NKAIN3: variants seen among roughly 807,000 people sequenced by gnomAD.
NKAIN3 encodes sodium/potassium transporting ATPase interacting 3, also known as sodium/potassium-transporting ATPase subunit beta-1-interacting protein 3.
In NKAIN3, 25 loss-of-function variants were observed where a neutral mutation model predicts 30.2. The observed-to-expected ratio is 0.83, with a 90% CI of 0.60 to 1.16. NKAIN3 has a LOEUF of 1.16. NKAIN3 is among the 50% of genes most tolerant of loss of function. NKAIN3 has a pLI of 0.00. For synonymous variants in NKAIN3, 91 were observed against 89.6 expected, an observed-to-expected ratio of 1.02 and a Z score of -0.09; for missense variants, 225 against 254.1, an observed-to-expected ratio of 0.89 and a Z score of 0.78.
rs57632946 is a variant in NKAIN3 at position 62,832,258 on chromosome 8, G to GACACACAC, written c.471+85168_471+85175dup. On this transcript the variant is annotated intron_variant, in intron 4 of 6. Coordinates refer to ENST00000623646, the MANE Select transcript of NKAIN3 (RefSeq NM_001304533.3). ...GAACAATACCTGGTATGACCAAACA[G>GACACACAC]ACACACACACACACACACACACACA... Among the ~76,000 whole-genome samples, 24 of 132,592 alleles carry GACACACAC rather than the reference G, an allele frequency of 1.8e-4. 1 individual carries two copies. The highest frequency in any genetic ancestry group is 5.6e-4 in the African/African-American group (20 of 35,804). 87.0% of individuals were successfully genotyped at this position (132,592 alleles called of 152,430 possible).
intron 5 of NKAIN3, among the ~76,000 whole-genome samples, chr8:62,998,875 G>T (rs140388555): frequency 7.2e-5 from 11 of 152,308 alleles, no homozygotes; most frequent in African/African-American, 2.6e-4. Flanking sequence ...CTAGCAGTTA[G>T]TGATATCAGA....
chr8:62,673,503 AC>A (rs1303345880), intron 3 of NKAIN3, among the ~76,000 whole-genome samples: 1 of 152,166 alleles, frequency 6.6e-6, no homozygotes, highest in East Asian at 1.9e-4. Context: ...CAGAATATCT[AC>A]CTAGGGTCTT....
chr8:62,710,684 C>A (rs1814685823), intron 3 of NKAIN3, among the ~76,000 whole-genome samples: 1 of 152,146 alleles, frequency 6.6e-6, no homozygotes, highest in Non-Finnish European at 1.5e-5. Flanking sequence ...GGTTCTGTAT[C>A]TTTTAAGTGG....
chr8:62,779,292 C>T (rs534217757), intron 4 of NKAIN3, among the ~76,000 whole-genome samples: 6 of 152,224 alleles, frequency 3.9e-5, no homozygotes, highest in East Asian at 1.9e-4. Context: ...TGCCCAGGAG[C>T]GCAGTCCTTA....
intron 1 of NKAIN3, among the ~76,000 whole-genome samples, chr8:62,338,193 A>G (rs1815629341): frequency 6.6e-6 from 1 of 152,036 alleles, no homozygotes; most frequent in East Asian, 1.9e-4. Flanking sequence ...AGAAGTTATC[A>G]TATTTCATGA....
chr8:62,710,333 C>G (rs1159449396), intron 3 of NKAIN3, among the ~76,000 whole-genome samples: 1 of 152,080 alleles, frequency 6.6e-6, no homozygotes, highest in Non-Finnish European at 1.5e-5. Context: ...GAATCCTCCA[C>G]TATTATTTGT....
chr8:62,442,728 A>G (rs372326203), intron 1 of NKAIN3, among the ~76,000 whole-genome samples: 214 of 151,852 alleles, frequency 1.4e-3, no homozygotes, highest in African/African-American at 4.8e-3. Flanking sequence ...TAATTTTTCC[A>G]TAAATTTCTT....
chr8:62,262,645 C>G (rs1200827954), intron 1 of NKAIN3, among the ~76,000 whole-genome samples: 1 of 152,070 alleles, frequency 6.6e-6, no homozygotes, highest in African/African-American at 2.4e-5. Flanking sequence ...CAAAGATCCC[C>G]TAAGAGTCTT....
At chr8:62,535,163 A>G (rs890550045) in intron 1 of NKAIN3, among the ~76,000 whole-genome samples, 1 of 152,088 alleles carries the variant, frequency 6.6e-6, no homozygotes, top group Non-Finnish European at 1.5e-5. Context: ...TTCGTACACT[A>G]TTTGTCTCAT....
intron 1 of NKAIN3, among the ~76,000 whole-genome samples, chr8:62,415,140 T>TA (rs201025284): frequency 1.8e-4 from 25 of 141,552 alleles, no homozygotes; most frequent in Non-Finnish European, 3.2e-4. Flanking sequence ...CTATAGTATA[T>TA]ATGTATTATA....
chr8:62,399,922 G>T (rs1817881747), intron 1 of NKAIN3, among the ~76,000 whole-genome samples: 1 of 152,076 alleles, frequency 6.6e-6, no homozygotes, highest in Non-Finnish European at 1.5e-5. Context: ...CTGAGACAAT[G>T]GTCTAATATA....
intron 5 of NKAIN3, 31 bp downstream of exon 5, chr8:62,918,544 T>G: frequency 6.8e-7 from 1 of 1,464,982 alleles, no homozygotes; most frequent in South Asian, 1.1e-5. Flanking sequence ...CCCTGTGGGT[T>G]CCTTTTGAAT....
At chr8:62,696,956 A>G (rs1158480151) in intron 3 of NKAIN3, among the ~76,000 whole-genome samples, 1 of 152,148 alleles carries the variant, frequency 6.6e-6, no homozygotes, top group Non-Finnish European at 1.5e-5. Flanking sequence ...ATTTTTTCCT[A>G]ATAAGACTCA....
intron 1 of NKAIN3, among the ~76,000 whole-genome samples, chr8:62,369,299 T>C (rs923360878): frequency 2.0e-5 from 3 of 152,124 alleles, no homozygotes; most frequent in Middle Eastern, 3.2e-3. Context: ...AGAATTTACA[T>C]TGTGTCTATG....
At chr8:62,871,626 T>C (rs1439587365) in intron 4 of NKAIN3, among the ~76,000 whole-genome samples, 3 of 152,220 alleles carry the variant, frequency 2.0e-5, no homozygotes. Context: ...AGTCAGGGCA[T>C]GGGATGCCCT....
At chr8:62,329,745 G>A (rs1815277271) in intron 1 of NKAIN3, among the ~76,000 whole-genome samples, 1 of 152,024 alleles carries the variant, frequency 6.6e-6, no homozygotes, top group Non-Finnish European at 1.5e-5. Context: ...CACTGTTGAT[G>A]GACACTTAGG....
intron 1 of NKAIN3, among the ~76,000 whole-genome samples, chr8:62,489,430 A>T (rs771161754): frequency 1.6e-3 from 245 of 152,338 alleles, no homozygotes; most frequent in Non-Finnish European, 2.8e-3. Flanking sequence ...AACCTCAGTT[A>T]TCTGTTATAT....
At chr8:62,964,787 T>C (rs1823659386) in intron 6 of NKAIN3, among the ~76,000 whole-genome samples, 1 of 150,780 alleles carries the variant, frequency 6.6e-6, no homozygotes, top group Non-Finnish European at 1.5e-5. Flanking sequence ...ATTTACGTGT[T>C]AATCACTTTT....
chr8:62,477,125 C>T (rs1287254553), intron 1 of NKAIN3, among the ~76,000 whole-genome samples: 1 of 152,174 alleles, frequency 6.6e-6, no homozygotes, highest in East Asian at 1.9e-4. Context: ...GGGGAGGAAA[C>T]AGCTGGTGAA....
Sources: allele counts gnomAD v4.1 joint callset (sites outside exome capture counted in the v4.1 genomes callset), GRCh38; gene constraint gnomAD v4.1.1; transcripts MANE v1.5; gene names NCBI Gene and HGNC (gene_info 2026-07-23, HGNC 2026-07-21).